Variants in SDK1 observed in about 807,000 individuals in gnomAD.
The protein encoded by SDK1 is protein sidekick-1.
A neutral mutation model predicts 245.5 loss-of-function variants in SDK1; 157 were observed. The observed-to-expected ratio is 0.64, with a 90% confidence interval of 0.56 to 0.73. The LOEUF is 0.73. Ranked by LOEUF, SDK1 falls within the 30% of genes least tolerant of loss-of-function variation. The probability of loss-of-function intolerance (pLI) is 0.00; values close to 1 mark genes in which losing one functional copy is unlikely to be tolerated. For synonymous variants in SDK1, 1,647 were observed against 1,278.5 expected (o/e 1.29, Z -6.15); for missense variants, 3,583 against 3,002.3 (o/e 1.19, Z -4.52).
intron 17 of SDK1, among the ~76,000 whole-genome samples, chr7:4,029,062 G>C (rs760130357): frequency 2.1e-5 from 3 of 142,518 alleles, no homozygotes; most frequent in African/African-American, 5.5e-5. Flanking sequence ...TTTTCCGAGG[G>C]GGGTGGGGGT....
At chr7:3,506,196 T>G (rs747644191) in intron 1 of SDK1, among the ~76,000 whole-genome samples, 15 of 152,286 alleles carry the variant, frequency 9.8e-5, no homozygotes, top group Middle Eastern at 3.4e-3. Flanking sequence ...AGATTTTGTT[T>G]GCTTGAAAAA....
At chr7:4,172,761 G>A (rs575977342) in intron 32 of SDK1, among the ~76,000 whole-genome samples, 34 of 152,232 alleles carry the variant, frequency 2.2e-4, no homozygotes, top group East Asian at 7.7e-4. Flanking sequence ...TCCGGTGGCC[G>A]ATGACAACTC....
At chr7:4,127,822 T>C (rs998945724) in intron 26 of SDK1, among the ~76,000 whole-genome samples, 1 of 152,242 alleles carries the variant, frequency 6.6e-6, no homozygotes, top group Non-Finnish European at 1.5e-5. Context: ...GCCCTGTGCT[T>C]GTGTCTCCCC....
Position 3,618,872 on chromosome 7 carries a change from C to T in SDK1, c.299-208C>T, listed in dbSNP as rs113131795. Among the ~76,000 whole-genome samples the T allele has an allele frequency of 1.6e-3, 239 of 152,282 alleles. 1 individual carries two copies. Among genetic ancestry groups the T allele is most frequent in the African/African-American group, 5.5e-3 (229 of 41,562 alleles). The stretch of plus-strand genomic sequence containing the variant: ...GTCAGATGCTTTCAAATGCGGGTAT[C>T]ATTGAGCTTTCAGCTTTTTGAAATA... On this transcript the variant is annotated intron_variant, in intron 1 of 44. Transcript: ENST00000404826.
intron 30 of SDK1, among the ~76,000 whole-genome samples, chr7:4,151,783 C>T (rs952257256): frequency 3.3e-5 from 5 of 152,200 alleles, no homozygotes; most frequent in Non-Finnish European, 5.9e-5. Context: ...AGTTTACACA[C>T]GCAGACATTG....
Position 3,971,509 on chromosome 7 carries a change from T to A in SDK1, c.1758T>A (p.Ile586=). The change falls in exon 12 of 45, where the codon ATT becomes ATA. Residue 586 remains isoleucine (I), a synonymous_variant. Transcript: ENST00000404826. ...IVHPPEDHVV[I]KGTTATLHCG... is the part of the protein sequence containing the mutation. ...ACCCTCCTGAGGACCACGTGGTGAT[T>A]AAGGGGACCACGGCCACGCTGCACT... 6.2e-7 allele frequency: 1 copy of A among 1,613,754 alleles called. No homozygotes were observed. The highest frequency in any genetic ancestry group is 8.5e-7 in the Non-Finnish European group (1 of 1,179,868).
rs1554332410 is a variant in SDK1 at position 4,074,884 on chromosome 7, CTG to C, written c.3011-2112_3011-2111del. Among the ~76,000 whole-genome samples the C allele has an allele frequency of 9.8e-4, 61 of 62,446 alleles. 2 individuals are homozygous for C. Among genetic ancestry groups the C allele is most frequent in the African/African-American group, 5.6e-3 (46 of 8,200 alleles). 41.0% of individuals were successfully genotyped at this position (62,446 alleles called of 152,430 possible). ...TCTCTCTCTCTCTCTCTCTCTCTCTCTGTATATATATATATATATATATATAT... is the reference window on the plus strand; with the variant it reads ...TCTCTCTCTCTCTCTCTCTCTCTCTCTATATATATATATATATATATATAT... On this transcript the variant is annotated intron_variant, in intron 20 of 44. Coordinates refer to ENST00000404826, the MANE Select transcript of SDK1 (RefSeq NM_152744.4).
At chr7:4,098,587 C>G (rs925032289) in intron 22 of SDK1, among the ~76,000 whole-genome samples, 5 of 152,030 alleles carry the variant, frequency 3.3e-5, no homozygotes, top group African/African-American at 1.2e-4. Flanking sequence ...AGGTCAAAAC[C>G]TTTTAGTTTC....
chr7:3,485,241 C>G (rs867156477), intron 1 of SDK1, among the ~76,000 whole-genome samples: 23 of 152,324 alleles, frequency 1.5e-4, no homozygotes, highest in South Asian at 1.0e-3. Flanking sequence ...ATTTGCGTTT[C>G]TTAATGACTA....
intron 4 of SDK1, among the ~76,000 whole-genome samples, chr7:3,661,018 C>G (rs564136031): frequency 8.5e-5 from 13 of 152,236 alleles, no homozygotes; most frequent in African/African-American, 2.9e-4. Flanking sequence ...TTAGAAATTA[C>G]TTATGTGAAG....
intron 1 of SDK1, among the ~76,000 whole-genome samples, chr7:3,540,298 T>G (rs1385872124): frequency 1.3e-5 from 2 of 152,216 alleles, no homozygotes; most frequent in Non-Finnish European, 2.9e-5. Context: ...TCTCAGCTAT[T>G]CGGGAGGCCG....
chr7:4,028,399 G>C (rs1336295837), intron 17 of SDK1, among the ~76,000 whole-genome samples: 1 of 152,210 alleles, frequency 6.6e-6, no homozygotes, highest in African/African-American at 2.4e-5. Context: ...GTGAACCACA[G>C]CATGTGACAT....
intron 44 of SDK1, among the ~76,000 whole-genome samples, chr7:4,259,055 A>G (rs1787803093): frequency 6.6e-6 from 1 of 152,190 alleles, no homozygotes; most frequent in African/African-American, 2.4e-5. Context: ...CTTCCTTCAG[A>G]TGATCTTTGT....
intron 1 of SDK1, among the ~76,000 whole-genome samples, chr7:3,526,981 A>G (rs1198478297): frequency 6.6e-6 from 1 of 152,168 alleles, no homozygotes; most frequent in East Asian, 1.9e-4. Flanking sequence ...CTATAAATCT[A>G]CCTTCAGCTT....
At chr7:3,887,030 T>A (rs1781354492) in intron 5 of SDK1, among the ~76,000 whole-genome samples, 1 of 152,214 alleles carries the variant, frequency 6.6e-6, no homozygotes, top group Admixed American at 6.5e-5. Flanking sequence ...GAATGATATA[T>A]TTTTAATTCA....
intron 1 of SDK1, among the ~76,000 whole-genome samples, chr7:3,566,812 C>G (rs1208237898): frequency 6.6e-6 from 1 of 151,354 alleles, no homozygotes; most frequent in Non-Finnish European, 1.5e-5. Context: ...AAAGGCTAAC[C>G]AGCATAGGAA....
At chr7:4,029,228 T>TTTTTTTTTTTTTTTTTTTTGTG in intron 17 of SDK1, among the ~76,000 whole-genome samples, 1 of 112,086 alleles carries the variant, frequency 8.9e-6, no homozygotes, top group Non-Finnish European at 1.7e-5. Flanking sequence ...TTTTTTTTTT[T>TTTTTTTTTTTTTTTTTTTTGTG]TGTGAAGAAG....
intron 44 of SDK1, among the ~76,000 whole-genome samples, chr7:4,258,559 A>C (rs1269804334): frequency 6.6e-6 from 1 of 152,228 alleles, no homozygotes; most frequent in Non-Finnish European, 1.5e-5. Flanking sequence ...TGCTACTAAA[A>C]GGACTTTATT....
At chr7:3,982,978 T>G (rs951525265) in intron 13 of SDK1, among the ~76,000 whole-genome samples, 1 of 152,128 alleles carries the variant, frequency 6.6e-6, no homozygotes, top group Non-Finnish European at 1.5e-5. Context: ...AAGTTGCTGC[T>G]GATGTGGTGG....
Sources: allele counts gnomAD v4.1 joint callset (sites outside exome capture counted in the v4.1 genomes callset), GRCh38; gene constraint gnomAD v4.1.1; transcripts MANE v1.5; gene names NCBI Gene and HGNC (gene_info 2026-07-23, HGNC 2026-07-21).